The following FBXL7 variants were observed in gnomAD, a reference collection of about 807,000 sequenced individuals.
FBXL7 encodes the protein F-box and leucine rich repeat protein 7.
In FBXL7, 12 loss-of-function variants were observed where a neutral mutation model predicts 38.3. The observed-to-expected ratio is 0.31, with a 90% CI of 0.20 to 0.51. The LOEUF (loss-of-function observed/expected upper bound fraction) is 0.51, where lower values mean the gene tolerates loss of function less well. Ranked by LOEUF, FBXL7 falls within the 20% of genes least tolerant of loss-of-function variation. The probability of loss-of-function intolerance (pLI) is 0.98; values close to 1 mark genes in which losing one functional copy is unlikely to be tolerated. For missense variants in FBXL7, 567 were observed against 676.4 expected, an observed-to-expected ratio of 0.84 and a Z score of 1.79; for synonymous variants, 297 against 300.9, an observed-to-expected ratio of 0.99 and a Z score of 0.13.
At chr5:15,824,361 A>G (rs1738252378) in intron 2 of FBXL7, among the ~76,000 whole-genome samples, 1 of 151,474 alleles carries the variant, frequency 6.6e-6, no homozygotes. Context: ...TGCATTTTGA[A>G]AATGTGTTGT....
intron 1 of FBXL7, among the ~76,000 whole-genome samples, chr5:15,572,064 C>T (rs1350153677): frequency 6.6e-6 from 1 of 152,068 alleles, no homozygotes; most frequent in Non-Finnish European, 1.5e-5. Flanking sequence ...AAAAGACATC[C>T]ACTGGGCTTA....
chr5:15,853,651 G>A (rs1181093617), intron 2 of FBXL7, among the ~76,000 whole-genome samples: 2 of 152,136 alleles, frequency 1.3e-5, no homozygotes, highest in African/African-American at 2.4e-5. Context: ...CCCCAGGCAG[G>A]CAGGTGGATG....
intron 2 of FBXL7, among the ~76,000 whole-genome samples, chr5:15,845,116 A>G (rs533950459): frequency 6.6e-6 from 1 of 152,342 alleles, no homozygotes; most frequent in African/African-American, 2.4e-5. Flanking sequence ...TGCACAAGTT[A>G]GTACCCAATT....
intron 2 of FBXL7, among the ~76,000 whole-genome samples, chr5:15,775,696 A>T (rs112526187): frequency 6.6e-6 from 1 of 152,182 alleles, no homozygotes; most frequent in African/African-American, 2.4e-5. Context: ...CAGAATTTCA[A>T]TGAGGCATGA....
chr5:15,875,733 A>T (rs1187553667), intron 2 of FBXL7, among the ~76,000 whole-genome samples: 2 of 152,198 alleles, frequency 1.3e-5, no homozygotes, highest in Non-Finnish European at 2.9e-5. Flanking sequence ...AATGGTGATC[A>T]TTAAAAAGTC....
intron 2 of FBXL7, among the ~76,000 whole-genome samples, chr5:15,660,720 A>T (rs1259876288): frequency 6.6e-6 from 1 of 152,122 alleles, no homozygotes; most frequent in African/African-American, 2.4e-5. Context: ...CCACTTAATC[A>T]TAAGAAGGCA....
At chr5:15,513,690 AG>A (rs1271890249) in intron 1 of FBXL7, among the ~76,000 whole-genome samples, 2 of 152,210 alleles carry the variant, frequency 1.3e-5, no homozygotes, top group Non-Finnish European at 2.9e-5. Flanking sequence ...GCAGATTCAT[AG>A]GCAACATTCA....
chr5:15,843,720 T>C (rs371487790), intron 2 of FBXL7, among the ~76,000 whole-genome samples: 101 of 152,244 alleles, frequency 6.6e-4, no homozygotes, highest in African/African-American at 2.4e-3. Context: ...CAGGTTTCAT[T>C]GAAATTTTAA....
chr5:15,787,966 C>T (rs1440667708), intron 2 of FBXL7, among the ~76,000 whole-genome samples: 1 of 152,164 alleles, frequency 6.6e-6, no homozygotes, highest in African/African-American at 2.4e-5. Flanking sequence ...AAAATGTCAA[C>T]AGTGCTGTGC....
At chr5:15,620,993 G>A (rs1005975373) in intron 2 of FBXL7, among the ~76,000 whole-genome samples, 2 of 152,140 alleles carry the variant, frequency 1.3e-5, no homozygotes, top group Admixed American at 1.3e-4. Context: ...TGATCTTCCT[G>A]TCTATCCAGT....
intron 2 of FBXL7, among the ~76,000 whole-genome samples, chr5:15,876,899 G>A (rs1196608144): frequency 1.3e-5 from 2 of 152,308 alleles, no homozygotes; most frequent in Non-Finnish European, 2.9e-5. Context: ...TGGTTACTAA[G>A]TATTTTGTGA....
intron 2 of FBXL7, among the ~76,000 whole-genome samples, chr5:15,847,472 ACAATT>A (rs1419392672): frequency 3.3e-5 from 5 of 152,186 alleles, no homozygotes; most frequent in Non-Finnish European, 2.9e-5. Flanking sequence ...TATGGGAACT[ACAATT>A]CAAGATGAGA....
intron 2 of FBXL7, among the ~76,000 whole-genome samples, chr5:15,711,293 C>T (rs1192996151): frequency 6.6e-6 from 1 of 152,200 alleles, no homozygotes; most frequent in Non-Finnish European, 1.5e-5. Flanking sequence ...GCAGCTGCAA[C>T]TCTTCAAGCT....
chr5:15,580,301 G>A (rs185223125), intron 1 of FBXL7, among the ~76,000 whole-genome samples: 1 of 152,198 alleles, frequency 6.6e-6, no homozygotes, highest in Non-Finnish European at 1.5e-5. Flanking sequence ...AGAAATAAAT[G>A]TTTGTTGTTT....
At chr5:15,850,651 T>C (rs1301047566) in intron 2 of FBXL7, among the ~76,000 whole-genome samples, 1 of 152,216 alleles carries the variant, frequency 6.6e-6, no homozygotes, top group Non-Finnish European at 1.5e-5. Context: ...TTGTATCCCA[T>C]TCGGTTCTTG....
intron 2 of FBXL7, among the ~76,000 whole-genome samples, chr5:15,681,693 A>C (rs960583881): frequency 3.9e-5 from 6 of 152,250 alleles, no homozygotes; most frequent in Non-Finnish European, 1.5e-5. Flanking sequence ...AGAAGTTTCA[A>C]AAATGTGGAT....
chr5:15,555,563 C>T (rs896258256), intron 1 of FBXL7, among the ~76,000 whole-genome samples: 2 of 152,134 alleles, frequency 1.3e-5, no homozygotes, highest in Non-Finnish European at 2.9e-5. Flanking sequence ...GGCTTTGCCC[C>T]TTAGACACAG....
chr5:15,561,170 C>A (rs1738405302), intron 1 of FBXL7, among the ~76,000 whole-genome samples: 1 of 152,136 alleles, frequency 6.6e-6, no homozygotes, highest in Non-Finnish European at 1.5e-5. Context: ...GTGGTTAGAT[C>A]TCTAGACTTC....
chr5:15,659,024 GACTTTT>G (rs1741974681), intron 2 of FBXL7, among the ~76,000 whole-genome samples: 1 of 152,120 alleles, frequency 6.6e-6, no homozygotes, highest in South Asian at 2.1e-4. Flanking sequence ...CGTCCATCCT[GACTTTT>G]AAGTTTCCTG....
Sources: gnomAD v4.1 joint callset for allele counts (sites outside exome capture counted in the v4.1 genomes callset) on GRCh38, gnomAD v4.1.1 for gene constraint, MANE v1.5 for transcripts, NCBI Gene and HGNC (gene_info 2026-07-23, HGNC 2026-07-21) for gene names.